Variants in DHX35 observed in about 807,000 individuals in gnomAD.
The protein encoded by DHX35 is probable ATP-dependent RNA helicase DHX35.
DHX35 carries 84 observed loss-of-function variants against 99.6 expected under a neutral mutation model. The observed-to-expected ratio is 0.84, with a 90% CI of 0.71 to 1.01. The LOEUF is 1.01. Ranked by LOEUF, DHX35 falls within the 50% of genes least tolerant of loss-of-function variation. The pLI is 0.00. For synonymous variants in DHX35, 331 were observed against 316.2 expected, an observed-to-expected ratio of 1.05 and a Z score of -0.50; for missense variants, 852 against 888.5, an observed-to-expected ratio of 0.96 and a Z score of 0.52.
At chr20:39,025,391 C>T (rs747162097) in intron 18 of DHX35, 32 bp downstream of exon 18, 6 of 1,606,862 alleles carry the variant, frequency 3.7e-6, no homozygotes, top group Non-Finnish European at 5.1e-6. Context: ...TGGTGACCTC[C>T]CTTGCTTCAT....
At chr20:39,021,133 G>C (rs934289320) in intron 15 of DHX35, among the ~76,000 whole-genome samples, 17 of 152,352 alleles carry the variant, frequency 1.1e-4, no homozygotes, top group African/African-American at 4.1e-4. Flanking sequence ...TGCTGGTCTA[G>C]TTGTGCCTTG....
intron 4 of DHX35, among the ~76,000 whole-genome samples, chr20:38,985,055 G>C (rs983620042): frequency 2.6e-5 from 4 of 151,984 alleles, no homozygotes; most frequent in Non-Finnish European, 4.4e-5. Flanking sequence ...GTTTTTTGTT[G>C]ATAGTATGTT....
At chr20:39,015,826 A>G (rs2086776438) in intron 14 of DHX35, among the ~76,000 whole-genome samples, 1 of 152,142 alleles carries the variant, frequency 6.6e-6, no homozygotes, top group African/African-American at 2.4e-5. Context: ...ATCTTTACCC[A>G]TTAGCGCCGA....
At chr20:38,993,595 C>T (rs2086375152) in intron 7 of DHX35, among the ~76,000 whole-genome samples, 1 of 152,124 alleles carries the variant, frequency 6.6e-6, no homozygotes, top group Non-Finnish European at 1.5e-5. Flanking sequence ...GAACTCCCAA[C>T]CTCAGGTGAT....
intron 13 of DHX35, among the ~76,000 whole-genome samples, chr20:39,013,566 G>T (rs776196102): frequency 6.6e-6 from 1 of 152,088 alleles, no homozygotes; most frequent in Non-Finnish European, 1.5e-5. Context: ...AGGGGGATAA[G>T]TTTTTTTTGT....
At chr20:39,020,595 G>A (rs1016122363) in intron 15 of DHX35, among the ~76,000 whole-genome samples, 4 of 150,156 alleles carry the variant, frequency 2.7e-5, no homozygotes, top group African/African-American at 9.8e-5. Flanking sequence ...TATGGGGAAA[G>A]CTAACTAATT....
chr20:38,977,808 G>A (rs965325037), intron 3 of DHX35: 4 of 526,010 alleles, frequency 7.6e-6, no homozygotes, highest in Non-Finnish European at 1.5e-5. Context: ...TTTTGATCTT[G>A]GTGTTGGTGG....
At chr20:38,966,028 G>A (rs915261689) in intron 1 of DHX35, among the ~76,000 whole-genome samples, 9 of 152,200 alleles carry the variant, frequency 5.9e-5, no homozygotes, top group African/African-American at 2.2e-4. Flanking sequence ...GTGCTCTGAT[G>A]CTTTCTATTC....
rs146855659 is a variant in DHX35 at position 39,008,648 on chromosome 20, C to T, written c.1223-1632C>T. Among the ~76,000 whole-genome samples the T allele has an allele frequency of 1.7e-3, 263 of 152,328 alleles. 2 individuals carry two copies. The highest frequency in any genetic ancestry group is 0.014 in the Admixed American group (219 of 15,306). On this transcript the variant is annotated intron_variant, in intron 12 of 21. Transcript: ENST00000252011. The stretch of plus-strand genomic sequence containing the variant: ...GAAAGTATTGCTTTGAACAGGGTAC[C>T]ACCTGCTCAGACCCTCCACATTTTC...
intron 12 of DHX35, 121 bp downstream of exon 12, chr20:39,006,477 G>A: frequency 9.5e-7 from 1 of 1,056,730 alleles, no homozygotes; most frequent in East Asian, 2.5e-5. Context: ...TCCTCACAAG[G>A]CCCTGTGTAA....
intron 16 of DHX35, 147 bp downstream of exon 16, chr20:39,022,082 T>G: frequency 1.5e-6 from 1 of 658,574 alleles, no homozygotes; most frequent in Non-Finnish European, 2.5e-6. Context: ...TGCTTGATGT[T>G]GTGTCAGGTG....
chr20:38,972,883 T>C (rs575686600), intron 3 of DHX35, among the ~76,000 whole-genome samples: 1 of 152,244 alleles, frequency 6.6e-6, no homozygotes, highest in African/African-American at 2.4e-5. Context: ...GGAATGGCCA[T>C]CTTCTGAAAG....
At chr20:38,988,691 T>C (rs917721436) in intron 4 of DHX35, 122 bp from the exon 5 acceptor site, 2 of 1,365,488 alleles carry the variant, frequency 1.5e-6, no homozygotes, top group Non-Finnish European at 2.0e-6. Flanking sequence ...ACTTGTCTCT[T>C]TTCATTTTTC....
intron 3 of DHX35, chr20:38,978,087 A>T: frequency 1.3e-6 from 1 of 761,506 alleles, no homozygotes; most frequent in Non-Finnish European, 2.4e-6. Flanking sequence ...AGTGCTGTCC[A>T]CTAATATGCA....
At chr20:39,031,230 A>C (rs2087045363) in intron 20 of DHX35, among the ~76,000 whole-genome samples, 1 of 151,582 alleles carries the variant, frequency 6.6e-6, no homozygotes. Context: ...TTGTCTACTC[A>C]CTCATCCACT....
intron 6 of DHX35, among the ~76,000 whole-genome samples, chr20:38,991,729 A>G (rs1380985633): frequency 2.6e-5 from 4 of 152,212 alleles, no homozygotes; most frequent in East Asian, 1.9e-4. Flanking sequence ...TAAAATTCCT[A>G]TCATTACTTA....
chr20:38,990,660 A>G (rs1177548645), intron 5 of DHX35, among the ~76,000 whole-genome samples: 2 of 152,232 alleles, frequency 1.3e-5, no homozygotes, highest in Non-Finnish European at 2.9e-5. Context: ...GTCATTCTAA[A>G]TAATCTAGAG....
intron 3 of DHX35, among the ~76,000 whole-genome samples, chr20:38,975,028 C>A (rs2086055070): frequency 6.6e-6 from 1 of 152,104 alleles, no homozygotes; most frequent in Non-Finnish European, 1.5e-5. Context: ...AATATGTTAA[C>A]AATGTGTTGT....
At chr20:38,994,759 C>A (rs112362863) in intron 7 of DHX35, 62 bp from the exon 8 acceptor site, 8 of 1,349,200 alleles carry the variant, frequency 5.9e-6, no homozygotes, top group African/African-American at 4.4e-5. Flanking sequence ...TTTCAGATAT[C>A]AAATGATCTC....
Sources: allele counts gnomAD v4.1 joint callset (sites outside exome capture counted in the v4.1 genomes callset), GRCh38; gene constraint gnomAD v4.1.1; transcripts MANE v1.5; gene names NCBI Gene and HGNC (gene_info 2026-07-23, HGNC 2026-07-21).